Variants in EYS observed in about 807,000 individuals in gnomAD.
EYS encodes the protein protein eyes shut homolog.
EYS carries 250 observed loss-of-function variants against 282.1 expected under a neutral mutation model. That is an observed-to-expected ratio of 0.89 (90% CI 0.80 to 0.98). EYS has a LOEUF of 0.98. EYS is among the 50% of genes least tolerant of loss of function. The pLI, the probability that EYS is intolerant of heterozygous loss-of-function variation, is 0.00. For missense variants in EYS, 4,016 were observed against 3,709.0 expected, an observed-to-expected ratio of 1.08 and a Z score of -2.15; for synonymous variants, 1,355 against 1,282.9, an observed-to-expected ratio of 1.06 and a Z score of -1.20.
intron 26 of EYS, among the ~76,000 whole-genome samples, chr6:64,527,902 GT>G (rs1271788721): frequency 6.6e-6 from 1 of 151,656 alleles, no homozygotes; most frequent in Non-Finnish European, 1.5e-5. Context: ...TTACTTAAAA[GT>G]TATCATTTAG....
chr6:65,326,085 T>C (rs1320944466), intron 11 of EYS, among the ~76,000 whole-genome samples: 1 of 152,144 alleles, frequency 6.6e-6, no homozygotes, highest in Non-Finnish European at 1.5e-5. Flanking sequence ...CAGGAGTACC[T>C]ATAAAATATC....
intron 26 of EYS, among the ~76,000 whole-genome samples, chr6:64,500,212 T>C (rs927684023): frequency 4.6e-5 from 7 of 152,170 alleles, no homozygotes; most frequent in Non-Finnish European, 8.8e-5. Context: ...GGTATCTTTA[T>C]TTTAGTATTT....
intron 35 of EYS, among the ~76,000 whole-genome samples, chr6:63,972,591 G>A (rs1468668964): frequency 2.0e-5 from 3 of 152,024 alleles, no homozygotes; most frequent in Non-Finnish European, 4.4e-5. Context: ...TGCAGAACGT[G>A]CAGGTTTGTT....
At chr6:64,323,481 T>A (rs1186324165) in intron 29 of EYS, among the ~76,000 whole-genome samples, 1 of 151,944 alleles carries the variant, frequency 6.6e-6, no homozygotes, top group Non-Finnish European at 1.5e-5. Flanking sequence ...CTATGATGTT[T>A]CATGTACAGA....
chr6:65,523,736 G>A (rs1404107347), intron 2 of EYS, among the ~76,000 whole-genome samples: 1 of 152,124 alleles, frequency 6.6e-6, no homozygotes, highest in Non-Finnish European at 1.5e-5. Flanking sequence ...TGGCAGGTGG[G>A]TGGAAATTAT....
intron 8 of EYS, among the ~76,000 whole-genome samples, chr6:65,369,317 T>TATATACATATATTTATATATATATATA (rs1765043651): frequency 3.0e-5 from 1 of 33,318 alleles, no homozygotes; most frequent in East Asian, 4.9e-4. Context: ...ATATATATAT[T>TATATACATATATTTATATATATATATA]ATATATATAT....
intron 5 of EYS, among the ~76,000 whole-genome samples, chr6:65,462,191 G>A (rs996805242): frequency 1.3e-5 from 2 of 152,060 alleles, no homozygotes. Flanking sequence ...AAGATATGCT[G>A]AGTGAAAGAA....
At chr6:65,358,048 C>T (rs1764561570) in intron 8 of EYS, among the ~76,000 whole-genome samples, 1 of 151,838 alleles carries the variant, frequency 6.6e-6, no homozygotes, top group Non-Finnish European at 1.5e-5. Context: ...ACAGCGACCT[C>T]AGGTACTACG....
chr6:64,216,468 G>T (rs1161360358), intron 31 of EYS, among the ~76,000 whole-genome samples: 1 of 152,120 alleles, frequency 6.6e-6, no homozygotes, highest in Non-Finnish European at 1.5e-5. Context: ...TAAACACAAG[G>T]ATACTCTACT....
chr6:63,922,298 C>CA (rs1208112928), intron 35 of EYS, among the ~76,000 whole-genome samples: 3 of 152,214 alleles, frequency 2.0e-5, no homozygotes, highest in Admixed American at 6.5e-5. Flanking sequence ...TACAGTGGCT[C>CA]ACGCCTGTAA....
At position 65,663,870 on chromosome 6, in the gene EYS, T is replaced by C. The variant is rs1387176302; in HGVS notation, c.-447-23978A>G. On this transcript the variant is annotated intron_variant, in intron 1 of 42. Coordinates refer to ENST00000503581, the MANE Select transcript of EYS (RefSeq NM_001142800.2). ...TAATTTTTTGTTTTTTCTTTTCTTT[T>C]TTTTTTTTTTTTTTTTTTGAGACCG... Among the ~76,000 whole-genome samples, 27 of 68,614 alleles carry C rather than the reference T, an allele frequency of 3.9e-4. 1 individual carries two copies. Among genetic ancestry groups the C allele is most frequent in the Admixed American group, 3.8e-3 (21 of 5,514 alleles). The allele number at this position is 68,614 out of a possible 152,430, so 45.0% of individuals were successfully genotyped here.
intron 14 of EYS, among the ~76,000 whole-genome samples, chr6:64,977,089 T>G (rs1365464448): frequency 6.6e-6 from 1 of 151,764 alleles, no homozygotes; most frequent in South Asian, 2.1e-4. Context: ...GATGGGATTT[T>G]GCCATGTTGG....
chr6:65,322,489 CA>C (rs1386014889), intron 11 of EYS, among the ~76,000 whole-genome samples: 2 of 151,996 alleles, frequency 1.3e-5, no homozygotes, highest in Admixed American at 1.3e-4. Context: ...TCCATGCGAC[CA>C]GCAGGGTGTA....
At chr6:64,311,053 TAAA>T (rs1230922462) in intron 29 of EYS, among the ~76,000 whole-genome samples, 1 of 151,706 alleles carries the variant, frequency 6.6e-6, no homozygotes, top group Non-Finnish European at 1.5e-5. Flanking sequence ...GTTTTTTAAA[TAAA>T]AATAATTTAT....
intron 12 of EYS, among the ~76,000 whole-genome samples, chr6:65,183,694 C>A (rs1329267637): frequency 6.6e-6 from 1 of 151,194 alleles, no homozygotes; most frequent in Non-Finnish European, 1.5e-5. Context: ...TACTTTCTAC[C>A]CAGTTAGTAT....
intron 14 of EYS, among the ~76,000 whole-genome samples, chr6:64,965,984 G>A (rs1014359436): frequency 3.9e-5 from 6 of 151,958 alleles, no homozygotes; most frequent in African/African-American, 1.4e-4. Flanking sequence ...GTGTGCGCCT[G>A]TGTGTGTATT....
At chr6:65,155,818 T>C (rs1764716704) in intron 12 of EYS, among the ~76,000 whole-genome samples, 1 of 151,524 alleles carries the variant, frequency 6.6e-6, no homozygotes, top group African/African-American at 2.4e-5. Flanking sequence ...TGTTAGCAGT[T>C]TGACTCTGCT....
chr6:65,251,761 G>A (rs983589666), intron 12 of EYS, among the ~76,000 whole-genome samples: 1 of 152,038 alleles, frequency 6.6e-6, no homozygotes, highest in Non-Finnish European at 1.5e-5. Context: ...CACAGATGGA[G>A]TTAGAGAGTG....
chr6:64,898,627 C>T (rs1314920622), intron 18 of EYS, among the ~76,000 whole-genome samples: 1 of 151,198 alleles, frequency 6.6e-6, no homozygotes, highest in Admixed American at 6.6e-5. Flanking sequence ...TGTAAATGGG[C>T]TAAATGCCCC....
Sources: gnomAD v4.1 joint callset for allele counts (sites outside exome capture counted in the v4.1 genomes callset) on GRCh38, gnomAD v4.1.1 for gene constraint, MANE v1.5 for transcripts, NCBI Gene and HGNC (gene_info 2026-07-23, HGNC 2026-07-21) for gene names.